The following ENTREP2 variants were observed in gnomAD, a reference collection of about 807,000 sequenced individuals.
The protein encoded by ENTREP2 is protein ENTREP2.
chr15:29,228,335 A>AAAAAC, the ENTREP2 span, among the ~76,000 whole-genome samples: 1 of 133,894 alleles, frequency 7.5e-6, no homozygotes, highest in Admixed American at 7.8e-5. Context: ...AAACAAAAAC[A>AAAAAC]AAAACAAAAC....
chr15:29,155,414 C>T, the ENTREP2 span, among the ~76,000 whole-genome samples: 1 of 152,166 alleles, frequency 6.6e-6, no homozygotes, highest in Admixed American at 6.5e-5. Context: ...AGGCACTGTT[C>T]CTGTGTGAGC....
chr15:29,203,733 T>C, the ENTREP2 span, among the ~76,000 whole-genome samples: 2 of 152,234 alleles, frequency 1.3e-5, no homozygotes, highest in African/African-American at 4.8e-5. Context: ...CTTTGATCTA[T>C]ATCCTCTTTG....
At chr15:29,617,151 G>T in the ENTREP2 span, among the ~76,000 whole-genome samples, 1 of 152,164 alleles carries the variant, frequency 6.6e-6, no homozygotes, top group African/African-American at 2.4e-5. Context: ...CCCACGGCAG[G>T]CTGTCTGCAG....
the ENTREP2 span, among the ~76,000 whole-genome samples, chr15:29,622,302 T>G: frequency 6.6e-6 from 1 of 152,034 alleles, no homozygotes; most frequent in African/African-American, 2.4e-5. Context: ...GCCTCCCAGG[T>G]TCAAGCAATT....
At chr15:29,524,456 T>C in the ENTREP2 span, among the ~76,000 whole-genome samples, 1 of 152,204 alleles carries the variant, frequency 6.6e-6, no homozygotes, top group African/African-American at 2.4e-5. Flanking sequence ...GCTCCCAAGA[T>C]GTGGCAGACC....
chr15:29,287,086 G>C, the ENTREP2 span, among the ~76,000 whole-genome samples: 2 of 152,162 alleles, frequency 1.3e-5, no homozygotes, highest in Non-Finnish European at 1.5e-5. Flanking sequence ...ATAGTCATAG[G>C]AACAAGTCAT....
the ENTREP2 span, among the ~76,000 whole-genome samples, chr15:29,669,273 T>C: frequency 2.0e-5 from 3 of 152,218 alleles, no homozygotes; most frequent in African/African-American, 7.2e-5. Flanking sequence ...CCTTTGTGAA[T>C]AGATTAACCC....
At chr15:29,640,529 G>C in the ENTREP2 span, among the ~76,000 whole-genome samples, 1 of 152,028 alleles carries the variant, frequency 6.6e-6, no homozygotes, top group Non-Finnish European at 1.5e-5. Context: ...AGGTTCAGTG[G>C]TGTGTGCCTG....
the ENTREP2 span, among the ~76,000 whole-genome samples, chr15:29,211,367 G>A: frequency 7.9e-5 from 12 of 152,208 alleles, no homozygotes; most frequent in East Asian, 1.7e-3. Context: ...TGCTCCACAA[G>A]CCCCTCCCAG....
the ENTREP2 span, among the ~76,000 whole-genome samples, chr15:29,174,642 ATC>A: frequency 6.6e-6 from 1 of 151,342 alleles, no homozygotes. Flanking sequence ...GTGAGCTGAG[ATC>A]GCGCCACTGC....
chr15:29,433,884 C>T, the ENTREP2 span, among the ~76,000 whole-genome samples: 17,474 of 151,970 alleles, frequency 0.11, 1,163 homozygotes, highest in East Asian at 0.31. Flanking sequence ...CCAAAAAGCA[C>T]GTCATTCACC....
the ENTREP2 span, among the ~76,000 whole-genome samples, chr15:29,338,138 T>G: frequency 6.6e-6 from 1 of 151,904 alleles, no homozygotes; most frequent in African/African-American, 2.4e-5. Flanking sequence ...CCAACCAACC[T>G]CACAGGGAGG....
chr15:29,273,399 T>C, the ENTREP2 span, among the ~76,000 whole-genome samples: 2 of 152,012 alleles, frequency 1.3e-5, no homozygotes, highest in Non-Finnish European at 2.9e-5. Flanking sequence ...GGTTTCACCA[T>C]GTTAGCCAGG....
At chr15:29,284,775 T>C in the ENTREP2 span, among the ~76,000 whole-genome samples, 2 of 152,122 alleles carry the variant, frequency 1.3e-5, no homozygotes, top group African/African-American at 4.8e-5. Flanking sequence ...TACTCCAGGA[T>C]ACGCTACCAA....
the ENTREP2 span, among the ~76,000 whole-genome samples, chr15:29,630,542 C>A: frequency 6.6e-6 from 1 of 152,148 alleles, no homozygotes; most frequent in Admixed American, 6.5e-5. Context: ...GAATTTTCAG[C>A]CATTATTTCT....
At chr15:29,582,304 A>G in the ENTREP2 span, among the ~76,000 whole-genome samples, 1,533 of 152,306 alleles carry the variant, frequency 0.01, 31 homozygotes, top group African/African-American at 0.035. Context: ...TTTATACAAC[A>G]ATGTATTCAA....
the ENTREP2 span, among the ~76,000 whole-genome samples, chr15:29,339,705 G>A: frequency 6.6e-6 from 1 of 152,220 alleles, no homozygotes. Flanking sequence ...GTCTAATTAG[G>A]AAGATTTCCA....
the ENTREP2 span, among the ~76,000 whole-genome samples, chr15:29,135,979 T>C: frequency 2.8e-3 from 424 of 152,194 alleles, no homozygotes; most frequent in Non-Finnish European, 3.6e-3. This position sits in a 1 kb window ranked among gnomAD's most constrained non-coding sequence, Gnocchi z 7.4. Context: ...CAGGTCCTTT[T>C]ACCTGGATCC....
chr15:29,241,441 T>C, the ENTREP2 span, among the ~76,000 whole-genome samples: 1 of 148,858 alleles, frequency 6.7e-6, no homozygotes. Context: ...TACACAAAAA[T>C]GGATACATCA....
Sources: allele counts gnomAD v4.1 joint callset (sites outside exome capture counted in the v4.1 genomes callset), GRCh38; gene constraint gnomAD v4.1.1; non-coding constraint Gnocchi (gnomAD v3.1); transcripts MANE v1.5; gene names NCBI Gene and HGNC (gene_info 2026-07-23, HGNC 2026-07-21).